ITPA: variants seen among roughly 807,000 people sequenced by gnomAD.
ITPA encodes the protein inosine triphosphate pyrophosphatase.
ITPA carries 29 observed loss-of-function variants against 29.6 expected under a neutral mutation model. The ratio of observed to expected loss-of-function variants is 0.98; its 90% CI spans 0.73 to 1.34. ITPA has a LOEUF of 1.34. Ranked by LOEUF, ITPA falls within the 40% of genes most tolerant of loss-of-function variation. ITPA has a pLI of 0.00. For missense variants in ITPA, 241 were observed against 251.5 expected, an observed-to-expected ratio of 0.96 and a Z score of 0.28; for synonymous variants, 103 against 99.3, an observed-to-expected ratio of 1.04 and a Z score of -0.22.
intron 6 of ITPA, 156 bp downstream of exon 6, chr20:3,218,788 T>C: frequency 1.4e-6 from 1 of 691,608 alleles, no homozygotes; most frequent in South Asian, 1.5e-5. Flanking sequence ...GCAGCATAGG[T>C]AGAAGTGCTG....
At chr20:3,211,066 A>T (rs1235113005) in intron 1 of ITPA, among the ~76,000 whole-genome samples, 1 of 105,750 alleles carries the variant, frequency 9.5e-6, no homozygotes, top group Non-Finnish European at 2.0e-5. Flanking sequence ...TGTCTCAAAT[A>T]AAAAAAAAAA....
At chr20:3,210,592 G>T (rs191808085) in intron 1 of ITPA, among the ~76,000 whole-genome samples, 3 of 152,098 alleles carry the variant, frequency 2.0e-5, no homozygotes, top group African/African-American at 7.2e-5. Context: ...ATGTCACTTT[G>T]GTGCCAGGAC....
intron 1 of ITPA, among the ~76,000 whole-genome samples, chr20:3,210,686 G>T (rs2067150246): frequency 6.6e-6 from 1 of 152,134 alleles, no homozygotes; most frequent in East Asian, 1.9e-4. Context: ...AGTCCACCCT[G>T]AACAGAGCCC....
At chr20:3,212,322 A>ATT (rs112094744) in intron 1 of ITPA, among the ~76,000 whole-genome samples, 8 of 146,254 alleles carry the variant, frequency 5.5e-5, no homozygotes, top group Admixed American at 6.9e-5. Flanking sequence ...AATTATCTTA[A>ATT]TTTTTTTTTT....
At position 3,213,151 on chromosome 20, in the gene ITPA, T is replaced by A. The variant is rs1435994179; in HGVS notation, c.67-18T>A. 1 of 1,612,334 alleles carries A rather than the reference T, an allele frequency of 6.2e-7. No homozygotes were observed. The highest frequency in any genetic ancestry group is 1.3e-5 in the African/African-American group (1 of 75,026). On this transcript the variant is annotated intron_variant, in intron 1 of 7. Transcript: ENST00000380113. ...AATCACTAGATGGTGATAAGTGTTC[T>A]CTTTTCTCTTGGAACAGGTCGTTCA... is the stretch of plus-strand genomic sequence containing the variant.
intron 1 of ITPA, among the ~76,000 whole-genome samples, chr20:3,211,901 G>T (rs1210906704): frequency 1.3e-5 from 2 of 152,166 alleles, no homozygotes; most frequent in Admixed American, 1.3e-4. Context: ...TGGTATTATA[G>T]GCTGGGCACT....
chr20:3,226,030 A>G (rs1351244321), downstream of ITPA, among the ~76,000 whole-genome samples: 2 of 152,224 alleles, frequency 1.3e-5, no homozygotes, highest in African/African-American at 4.8e-5. This position sits in a 1 kb window ranked among gnomAD's most constrained non-coding sequence, Gnocchi z 4.4. Context: ...CAACAACAAA[A>G]TTATTAAAAC....
At chr20:3,216,306 C>T (rs1484750136) in intron 5 of ITPA, among the ~76,000 whole-genome samples, 3 of 151,428 alleles carry the variant, frequency 2.0e-5, no homozygotes, top group Non-Finnish European at 4.4e-5. Context: ...ACTACAGGCA[C>T]GTGCCACCAT....
chr20:3,223,278 T>C (rs2067512655), intron 7 of ITPA, 88 bp from the exon 8 acceptor site: 2 of 952,706 alleles, frequency 2.1e-6, no homozygotes, highest in South Asian at 2.7e-5. Flanking sequence ...TGAGCTTTGG[T>C]CTCCAGGGAT....
intron 5 of ITPA, 48 bp from the exon 6 acceptor site, chr20:3,218,468 TG>T: frequency 7.8e-7 from 1 of 1,285,944 alleles, no homozygotes; most frequent in Non-Finnish European, 1.1e-6. Flanking sequence ...GGAGTGGGGG[TG>T]GGAGTTGGCC....
At chr20:3,219,895 A>G (rs2067415954) in intron 6 of ITPA, among the ~76,000 whole-genome samples, 1 of 151,620 alleles carries the variant, frequency 6.6e-6, no homozygotes, top group Admixed American at 6.6e-5. Context: ...ATAAATAAAT[A>G]GCCGGACATG....
At chr20:3,205,619 G>C (rs2067065118), upstream of ITPA, among the ~76,000 whole-genome samples, 1 of 152,104 alleles carries the variant, frequency 6.6e-6, no homozygotes, top group South Asian at 2.1e-4. Context: ...AAGATCACCT[G>C]AGCCCAGGGA....
At chr20:3,213,538 A>G (rs980202804) in intron 3 of ITPA, 155 bp downstream of exon 3, 20 of 859,818 alleles carry the variant, frequency 2.3e-5, no homozygotes, top group Non-Finnish European at 3.6e-5. Flanking sequence ...GCTTTGGAAC[A>G]CTGCCTTCCT....
chr20:3,218,878 A>C (rs1018712470), intron 6 of ITPA: 9 of 564,716 alleles, frequency 1.6e-5, no homozygotes, highest in African/African-American at 1.5e-4. Context: ...GCCCCTGGGC[A>C]GGACAATGGA....
rs7270101 is a variant in ITPA, at chr20:3,213,247, A to C, written c.124+21A>C. 0.12 allele frequency: 186,398 copies of C among 1,613,972 alleles called. 11,835 individuals are homozygous for C. Among genetic ancestry groups the C allele is most frequent in the Non-Finnish European group, 0.14 (159,325 of 1,179,898 alleles). ...TGACCGTATGTCTCTGTTTTGTTTTATTTTTAAAAGATGGTTGGATTTCTC... is the reference window on the plus strand; with the variant it reads ...TGACCGTATGTCTCTGTTTTGTTTTCTTTTTAAAAGATGGTTGGATTTCTC... On this transcript the variant is annotated intron_variant, in intron 2 of 7. Transcript: ENST00000380113.
intron 5 of ITPA, 70 bp downstream of exon 5, chr20:3,215,382 C>T (rs2067270807): frequency 1.4e-6 from 2 of 1,428,984 alleles, no homozygotes; most frequent in Middle Eastern, 3.5e-4. Context: ...AGGGGAGGGA[C>T]CCCAACTAGT....
chr20:3,208,967 G>A (rs1358466550), upstream of ITPA: 2 of 158,584 alleles, frequency 1.3e-5, no homozygotes, highest in Admixed American at 6.0e-5. Flanking sequence ...ATAGATTTGA[G>A]AGGCTGGAGG....
intron 5 of ITPA, among the ~76,000 whole-genome samples, chr20:3,217,105 T>A (rs781282823): frequency 1.3e-5 from 2 of 151,774 alleles, no homozygotes; most frequent in Non-Finnish European, 2.9e-5. Context: ...GATCTCGAAT[T>A]CCTAACCTCA....
chr20:3,213,920 G>T, intron 3 of ITPA, 65 bp from the exon 4 acceptor site: 1 of 1,527,926 alleles, frequency 6.5e-7, no homozygotes, highest in South Asian at 1.1e-5. Context: ...TGACGCGGGT[G>T]ACCTGGACGT....
Sources: allele counts gnomAD v4.1 joint callset (sites outside exome capture counted in the v4.1 genomes callset), GRCh38; gene constraint gnomAD v4.1.1; non-coding constraint Gnocchi (gnomAD v3.1); transcripts MANE v1.5; gene names NCBI Gene and HGNC (gene_info 2026-07-23, HGNC 2026-07-21).